The following ARHGEF10L variants were observed in gnomAD, a reference collection of about 807,000 sequenced individuals.
The protein encoded by ARHGEF10L is Rho guanine nucleotide exchange factor 10 like, also known as rho guanine nucleotide exchange factor 10-like protein.
ARHGEF10L carries 69 observed loss-of-function variants against 141.2 expected under a neutral mutation model. That is an observed-to-expected ratio of 0.49 (90% CI 0.40 to 0.60). The LOEUF (loss-of-function observed/expected upper bound fraction) is 0.60. Among genes scored for constraint, ARHGEF10L ranks in the 20% least tolerant of loss-of-function variants. The pLI is 0.00. For missense variants in ARHGEF10L, 1,482 were observed against 1,734.3 expected (o/e 0.85, Z 2.58); for synonymous variants, 711 against 718.5 (o/e 0.99, Z 0.17).
chr1:17,689,346 C>T (rs1461666205), intron 27 of ARHGEF10L, among the ~76,000 whole-genome samples: 1 of 151,684 alleles, frequency 6.6e-6, no homozygotes, highest in Non-Finnish European at 1.5e-5. Context: ...GGTGGCTGTC[C>T]TGGGCCGGCA....
intron 27 of ARHGEF10L, among the ~76,000 whole-genome samples, chr1:17,690,407 C>G (rs2102547752): frequency 6.6e-6 from 1 of 152,334 alleles, no homozygotes; most frequent in East Asian, 1.9e-4. Context: ...GCCCACAGTC[C>G]CCGTCTCAAG....
In ARHGEF10L at chr1:17,561,641, G is replaced by A. The variant is rs535155466; in HGVS notation, c.-43-18912G>A. On this transcript the variant is annotated intron_variant, in intron 1 of 28. Transcript: ENST00000361221. Reference sequence around the variant, plus strand: ...GATGCTGCACTCCTAGCTCCTTGGCGTAGGTCCCTGGGGCTGTCGGGTGCC... The same window carrying A: ...GATGCTGCACTCCTAGCTCCTTGGCATAGGTCCCTGGGGCTGTCGGGTGCC... 3.4e-3 allele frequency among the ~76,000 whole-genome samples: 523 copies of A among 152,342 alleles called. 2 individuals carry two copies. Among genetic ancestry groups the A allele is most frequent in the African/African-American group, 0.012 (517 of 41,578 alleles).
intron 1 of ARHGEF10L, among the ~76,000 whole-genome samples, chr1:17,547,091 C>T (rs2076944684): frequency 6.6e-6 from 1 of 152,248 alleles, no homozygotes; most frequent in Admixed American, 6.5e-5. Context: ...GTGCCTTTGA[C>T]AGCCCCTAGC....
rs929068453 is a variant in ARHGEF10L, at chr1:17,573,289, G to A, written c.-43-7264G>A. Among the ~76,000 whole-genome samples, 5 of 152,176 alleles carry A rather than the reference G, an allele frequency of 3.3e-5. No individual in the cohort carries two copies. Among genetic ancestry groups the A allele is most frequent in the African/African-American group, 4.8e-5 (2 of 41,452 alleles). Reference sequence around the variant, plus strand: ...CGAGGACGCCCAGCAGCTGGGAGGCGGGCATCCCTGTTGTAGGTGGGGAAG... The same window carrying A: ...CGAGGACGCCCAGCAGCTGGGAGGCAGGCATCCCTGTTGTAGGTGGGGAAG... On this transcript the variant is annotated intron_variant, in intron 1 of 28. Coordinates refer to ENST00000361221, the MANE Select transcript of ARHGEF10L (RefSeq NM_018125.4). The surrounding 1 kb of genome is among the most constrained non-coding windows in gnomAD (Gnocchi z 4.8).
intron 1 of ARHGEF10L, among the ~76,000 whole-genome samples, chr1:17,543,642 A>AGTTTGTTT (rs1230764506): frequency 6.6e-6 from 1 of 151,678 alleles, no homozygotes; most frequent in Non-Finnish European, 1.5e-5. Context: ...ATATATATAT[A>AGTTTGTTT]GTTTGTTTGT....
rs1349279039 is a variant in ARHGEF10L at position 17,614,260 on chromosome 1, G to A, written c.726+1086G>A. 7.9e-5 allele frequency among the ~76,000 whole-genome samples: 12 copies of A among 152,194 alleles called. 1 individual carries two copies. The highest frequency in any genetic ancestry group is 1.8e-4 in the Non-Finnish European group (12 of 68,028). On this transcript the variant is annotated intron_variant, in intron 8 of 28. Coordinates refer to ENST00000361221, the MANE Select transcript of ARHGEF10L (RefSeq NM_018125.4). ...TACGAGACCTTTCACAGATACCCGCGAGAGGCCTGCAACCCAGGGTAGGGG... is the reference window on the plus strand; with the variant it reads ...TACGAGACCTTTCACAGATACCCGCAAGAGGCCTGCAACCCAGGGTAGGGG...
chr1:17,635,382 C>CA (rs1212345342), intron 18 of ARHGEF10L, among the ~76,000 whole-genome samples: 1 of 152,212 alleles, frequency 6.6e-6, no homozygotes, highest in Non-Finnish European at 1.5e-5. Context: ...AAATGCAGGT[C>CA]AGATCAGTGC....
At chr1:17,591,785 C>A (rs1480914965) in intron 4 of ARHGEF10L, among the ~76,000 whole-genome samples, 5 of 152,170 alleles carry the variant, frequency 3.3e-5, no homozygotes, top group Non-Finnish European at 7.3e-5. Context: ...TTGGCTCAAG[C>A]AATCCTCCTG....
chr1:17,660,774 C>T (rs1171537613), intron 25 of ARHGEF10L, among the ~76,000 whole-genome samples: 2 of 152,174 alleles, frequency 1.3e-5, no homozygotes, highest in East Asian at 3.9e-4. Flanking sequence ...AATGGGCTGT[C>T]ATACAGGGGC....
intron 25 of ARHGEF10L, among the ~76,000 whole-genome samples, chr1:17,662,281 G>T (rs531738933): frequency 6.6e-6 from 1 of 152,170 alleles, no homozygotes; most frequent in African/African-American, 2.4e-5. Context: ...CGTAACAACC[G>T]CTGTCAAGAC....
At chr1:17,529,888 A>G in the ARHGEF10L span, among the ~76,000 whole-genome samples, 9 of 132,646 alleles carry the variant, frequency 6.8e-5, no homozygotes, top group Admixed American at 3.7e-4. Flanking sequence ...GCTGGAGTGC[A>G]GTGTGACGAT....
chr1:17,697,382 G>T lies in ARHGEF10L; in HGVS notation c.*2G>T. ...TGGCAGGTGCCCTTGATGCTATAGCGCCTCCCCTCTCCCCTCAGAGGGCAC... is the reference window on the plus strand; with the variant it reads ...TGGCAGGTGCCCTTGATGCTATAGCTCCTCCCCTCTCCCCTCAGAGGGCAC... On this transcript the variant is annotated 3_prime_UTR_variant, in exon 29 of 29. Transcript: ENST00000361221. This position sits in a 1 kb window ranked among gnomAD's most constrained non-coding sequence, Gnocchi z 4.8. 1 of 1,580,108 alleles carries T rather than the reference G, an allele frequency of 6.3e-7. No homozygotes were observed. The highest frequency in any genetic ancestry group is 8.6e-7 in the Non-Finnish European group (1 of 1,160,526).
intron 1 of ARHGEF10L, among the ~76,000 whole-genome samples, chr1:17,569,745 G>A (rs1299234764): frequency 6.6e-6 from 1 of 152,234 alleles, no homozygotes; most frequent in Non-Finnish European, 1.5e-5. Context: ...TGCCCCGTGG[G>A]AAAGGCTGGG....
intron 20 of ARHGEF10L, 68 bp from the exon 21 acceptor site, chr1:17,640,134 G>A (rs1472633568): frequency 1.5e-5 from 23 of 1,549,984 alleles, no homozygotes; most frequent in East Asian, 2.4e-5. Context: ...GAAGTACTAC[G>A]TGACAGCTGG....
intron 2 of ARHGEF10L, 77 bp from the exon 3 acceptor site, chr1:17,587,383 C>G: frequency 1.4e-6 from 2 of 1,456,496 alleles, no homozygotes; most frequent in South Asian, 2.7e-5. Flanking sequence ...TCCAGCCATG[C>G]CCACCTACCC....
At chr1:17,551,614 T>C (rs115515918) in intron 1 of ARHGEF10L, among the ~76,000 whole-genome samples, 6,968 of 152,232 alleles carry the variant, frequency 0.046, 232 homozygotes, top group Middle Eastern at 0.075. Flanking sequence ...GGGGTAGAGA[T>C]TGGGCTGCAA....
chr1:17,637,825 G>A, intron 18 of ARHGEF10L, 63 bp from the exon 19 acceptor site: 3 of 1,440,106 alleles, frequency 2.1e-6, no homozygotes, highest in South Asian at 2.5e-5. Flanking sequence ...TTTGTTGTGA[G>A]CAGATGCTTG....
the ARHGEF10L span, among the ~76,000 whole-genome samples, chr1:17,523,892 G>A: frequency 6.6e-6 from 1 of 152,234 alleles, no homozygotes. Flanking sequence ...CATGCACACA[G>A]AGAGTTAGTA....
chr1:17,598,019 C>T (rs548426087), intron 4 of ARHGEF10L, among the ~76,000 whole-genome samples: 36 of 152,276 alleles, frequency 2.4e-4, no homozygotes, highest in Non-Finnish European at 5.0e-4. Context: ...CTGGGTGTTA[C>T]GCTTTCTCTT....
Sources: gnomAD v4.1 joint callset for allele counts (sites outside exome capture counted in the v4.1 genomes callset) on GRCh38, gnomAD v4.1.1 for gene constraint, Gnocchi (gnomAD v3.1) non-coding constraint, MANE v1.5 for transcripts, NCBI Gene and HGNC (gene_info 2026-07-23, HGNC 2026-07-21) for gene names.